The following TBC1D30 variants were observed in gnomAD, a reference collection of about 807,000 sequenced individuals.
The protein encoded by TBC1D30 is TBC1 domain family, member 30.
Under a neutral mutation model 63.2 loss-of-function variants are expected in TBC1D30, and 31 were observed. The observed-to-expected ratio is 0.49, with a 90% confidence interval of 0.37 to 0.66. The LOEUF is 0.66. TBC1D30 is among the 30% of genes least tolerant of loss of function. The probability of loss-of-function intolerance (pLI) is 0.00; values close to 1 mark genes in which losing one functional copy is unlikely to be tolerated. For synonymous variants in TBC1D30, 307 were observed against 361.5 expected (o/e 0.85, Z 1.71); for missense variants, 810 against 953.6 (o/e 0.85, Z 1.98).
chr12:64,862,570 T>C (rs1357800752), intron 8 of TBC1D30, among the ~76,000 whole-genome samples: 1 of 152,170 alleles, frequency 6.6e-6, no homozygotes, highest in African/African-American at 2.4e-5. Context: ...GTTCCTCTTA[T>C]GAACTTCCTT....
At chr12:64,869,688 A>G (rs1031043112) in intron 10 of TBC1D30, among the ~76,000 whole-genome samples, 1 of 152,018 alleles carries the variant, frequency 6.6e-6, no homozygotes, top group South Asian at 2.1e-4. Context: ...ACTTTCTCCT[A>G]AATTTCATCA....
Position 64,864,811 on chromosome 12 carries a change from T to G in TBC1D30, c.1151+31T>G, listed in dbSNP as rs11175575. 8.7e-3 allele frequency: 12,110 copies of G among 1,391,402 alleles called. 848 individuals carry two copies. In the African/African-American group the frequency reaches 0.15, roughly 18 times the overall value. The allele number at this position is 1,391,402 out of a possible 1,614,324, so 86.2% of individuals were successfully genotyped here. ...GTTTTTAAATTCCTTGTTGTTTTCA[T>G]GATGGAGGACTTAATATCTTAATTT... On this transcript the variant is annotated intron_variant, in intron 9 of 11. Transcript: ENST00000539867.
chr12:64,838,659 T>C lies in TBC1D30; in HGVS notation c.764-24T>C, dbSNP rs201655870. The C allele has an allele frequency of 7.8e-6, 12 of 1,535,354 alleles. No homozygotes were observed. The South Asian group carries it at 9.5e-5, about 12-fold the overall frequency. On this transcript the variant is annotated intron_variant, in intron 6 of 11. Coordinates refer to ENST00000539867, the MANE Select transcript of TBC1D30 (RefSeq NM_015279.2). ...CTGCCAATCATCAGTTCTGAAGGAA[T>C]TGAATGTGTTTGTTTTATTTCAGGT... is the stretch of plus-strand genomic sequence containing the variant.
At chr12:64,863,232 A>T (rs1877942316) in intron 8 of TBC1D30, among the ~76,000 whole-genome samples, 3 of 152,208 alleles carry the variant, frequency 2.0e-5, no homozygotes, top group Non-Finnish European at 4.4e-5. Flanking sequence ...ACCCTCATAT[A>T]ACTTCTCCCT....
chr12:64,870,377 C>T (rs1374547831), intron 10 of TBC1D30, among the ~76,000 whole-genome samples: 1 of 152,160 alleles, frequency 6.6e-6, no homozygotes, highest in Non-Finnish European at 1.5e-5. Flanking sequence ...ACTCTGAACC[C>T]ATATAGCTCA....
chr12:64,798,301 A>ATT (rs1045348616), intron 2 of TBC1D30, among the ~76,000 whole-genome samples: 1 of 152,206 alleles, frequency 6.6e-6, no homozygotes, highest in African/African-American at 2.4e-5. Flanking sequence ...ATTGAAATAG[A>ATT]TTTTTTGACA....
intron 2 of TBC1D30, among the ~76,000 whole-genome samples, chr12:64,798,441 C>T (rs1387794183): frequency 6.6e-6 from 1 of 152,144 alleles, no homozygotes; most frequent in East Asian, 1.9e-4. Flanking sequence ...GAGTCTTACA[C>T]TGTTTCAGGA....
chr12:64,767,820 T>C, intron 1 of TBC1D30, among the ~76,000 whole-genome samples: 1 of 143,552 alleles, frequency 7.0e-6, no homozygotes, highest in African/African-American at 2.6e-5. Context: ...AGATAGGCTC[T>C]ATGAAAATTT....
upstream of TBC1D30, among the ~76,000 whole-genome samples, chr12:64,820,444 T>C (rs758555792): frequency 2.0e-5 from 3 of 152,202 alleles, no homozygotes; most frequent in African/African-American, 4.8e-5. Flanking sequence ...TCTGTGACAT[T>C]CGGGGCATTT....
intron 2 of TBC1D30, among the ~76,000 whole-genome samples, chr12:64,811,492 G>A (rs541513581): frequency 3.9e-5 from 6 of 152,166 alleles, no homozygotes; most frequent in Non-Finnish European, 8.8e-5. Flanking sequence ...AATCATGTCT[G>A]CAGTTTCTAA....
At chr12:64,817,608 A>G (rs1169342042) in intron 2 of TBC1D30, among the ~76,000 whole-genome samples, 1 of 152,084 alleles carries the variant, frequency 6.6e-6, no homozygotes, top group East Asian at 1.9e-4. Context: ...GTTGATTCCA[A>G]TCTCTCTCCT....
chr12:64,865,554 G>T (rs73327209), intron 9 of TBC1D30, among the ~76,000 whole-genome samples: 1 of 151,994 alleles, frequency 6.6e-6, no homozygotes, highest in East Asian at 1.9e-4. Context: ...CCTAGAAATC[G>T]ATAAGAAAAT....
At position 64,864,684 on chromosome 12, in the gene TBC1D30, C is replaced by T; in HGVS notation, c.1055C>T (p.Ala352Val). The change falls in exon 9 of 12, where the codon GCT (alanine) becomes GTT (valine). Residue 352 changes from alanine to valine, a missense_variant. Ala to Val is a moderately conservative substitution (Grantham distance 64). This residue lies in a region of TBC1D30 where 83 missense variants were observed against 121.5 expected (regional missense o/e 0.68). Coordinates refer to ENST00000539867, the MANE Select transcript of TBC1D30 (RefSeq NM_015279.2). ...HELMQTVYSM[A>V]PFPFPQLAEL... ...GTTTTACAGACTGTTTATTCCATGG[C>T]TCCGTTCCCTTTCCCACAATTGGCA... The T allele has an allele frequency of 6.5e-7, 1 of 1,536,394 alleles. No individual in the cohort carries two copies. The highest frequency in any genetic ancestry group is 8.7e-7 in the Non-Finnish European group (1 of 1,146,864).
At chr12:64,796,491 C>T (rs1402847529) in intron 2 of TBC1D30, among the ~76,000 whole-genome samples, 2 of 151,992 alleles carry the variant, frequency 1.3e-5, no homozygotes, top group African/African-American at 4.8e-5. Context: ...CTCTGTATTG[C>T]CACAAGGGTA....
chr12:64,771,410 G>C (rs1168765299), intron 1 of TBC1D30, among the ~76,000 whole-genome samples: 1 of 152,114 alleles, frequency 6.6e-6, no homozygotes, highest in Non-Finnish European at 1.5e-5. Flanking sequence ...TATTCATCAT[G>C]AGTTAGGTTC....
At chr12:64,864,869 A>G in intron 9 of TBC1D30, 89 bp downstream of exon 9, 1 of 934,380 alleles carries the variant, frequency 1.1e-6, no homozygotes. Flanking sequence ...GAAGCCCCAG[A>G]GATATGTTAA....
intron 8 of TBC1D30, among the ~76,000 whole-genome samples, chr12:64,856,494 G>C (rs1877314358): frequency 7.6e-6 from 1 of 131,946 alleles, no homozygotes; most frequent in Non-Finnish European, 1.5e-5. Context: ...GGATTACCAG[G>C]CAGAGACTCA....
intron 6 of TBC1D30, among the ~76,000 whole-genome samples, chr12:64,837,079 A>G (rs992061789): frequency 1.3e-5 from 2 of 152,190 alleles, no homozygotes; most frequent in Non-Finnish European, 2.9e-5. Flanking sequence ...AGCCGCTGCT[A>G]TCTATTGGGC....
At chr12:64,781,683 G>C (rs1258523672) in intron 1 of TBC1D30, among the ~76,000 whole-genome samples, 1 of 132,702 alleles carries the variant, frequency 7.5e-6, no homozygotes, top group Non-Finnish European at 1.6e-5. Context: ...TCGTAGGGCT[G>C]TTCTTTCCTT....
Sources: allele counts gnomAD v4.1 joint callset (sites outside exome capture counted in the v4.1 genomes callset), GRCh38; gene constraint gnomAD v4.1.1; regional missense constraint gnomAD v4.1.1; transcripts MANE v1.5; gene names NCBI Gene and HGNC (gene_info 2026-07-23, HGNC 2026-07-21).